The following SLC41A3 variants were observed in gnomAD, a reference collection of about 807,000 sequenced individuals.
SLC41A3 encodes the protein SLC41A1-like 2.
SLC41A3 carries 44 observed loss-of-function variants against 45.4 expected under a neutral mutation model. That is an observed-to-expected ratio of 0.97 (90% CI 0.76 to 1.25). The LOEUF is 1.25. Among genes scored for constraint, SLC41A3 ranks in the 50% most tolerant of loss-of-function variants. The pLI is 0.00. For missense variants in SLC41A3, 550 were observed against 600.6 expected, an observed-to-expected ratio of 0.92 and a Z score of 0.88; for synonymous variants, 256 against 252.4, an observed-to-expected ratio of 1.01 and a Z score of -0.13.
chr3:126,043,695 T>A (rs532098471), intron 3 of SLC41A3, among the ~76,000 whole-genome samples: 4 of 151,856 alleles, frequency 2.6e-5, no homozygotes, highest in Non-Finnish European at 5.9e-5. Context: ...TTAAGGTAAA[T>A]TGTAATAACT....
intron 9 of SLC41A3, 92 bp from the exon 10 acceptor site, chr3:126,008,972 T>A: frequency 1.3e-6 from 2 of 1,495,650 alleles, no homozygotes; most frequent in Non-Finnish European, 1.8e-6. Flanking sequence ...CACTCACTCA[T>A]CCATTTATTC....
At chr3:126,009,305 G>C (rs1394226014) in intron 9 of SLC41A3, among the ~76,000 whole-genome samples, 1 of 152,182 alleles carries the variant, frequency 6.6e-6, no homozygotes, top group Non-Finnish European at 1.5e-5. Flanking sequence ...AGGAGGAAAA[G>C]AGCTTTGGGT....
In SLC41A3 at chr3:126,033,662, A is replaced by G. The variant is rs368186569; in HGVS notation, c.398T>C (p.Ile133Thr). The G allele has an allele frequency of 2.4e-5, 38 of 1,612,966 alleles. No homozygotes were observed. In the Middle Eastern group the frequency reaches 1.2e-3, roughly 49 times the overall value. ...TCTGTGCTGCTCCTGGGGGTCATCA[A>G]TTTGTCCAGTGTTGGCCTAGAATGA... ...RLSTAANTGQ[I>T]DDPQEQHRVI... is the part of the protein sequence containing the mutation. The change falls in exon 4 of 11, where the codon ATT (isoleucine) becomes ACT (threonine). Residue 133 changes from isoleucine (I) to threonine (T), a missense_variant. Physicochemically the swap from Ile to Thr is moderately conservative, Grantham distance 89. Transcript: ENST00000360370.
rs142303474 is a variant in SLC41A3 at position 126,069,378 on chromosome 3, A to G, written c.-27-1132T>C. Among the ~76,000 whole-genome samples, 150 of 152,272 alleles carry G rather than the reference A, an allele frequency of 9.9e-4. No individual in the cohort carries two copies. The East Asian group carries it at 9.9e-3, about 10-fold the overall frequency. On this transcript the variant is annotated intron_variant, in intron 1 of 10. Transcript: ENST00000360370. ...AGTTCCAGGCACGGAGTTCAAGGAAATCTGTAACCGGTCATCAGCTGGCAC... is the reference window on the plus strand; with the variant it reads ...AGTTCCAGGCACGGAGTTCAAGGAAGTCTGTAACCGGTCATCAGCTGGCAC...
chr3:126,033,408 C>T (rs1206051950), intron 4 of SLC41A3, among the ~76,000 whole-genome samples, 199 bp downstream of exon 4: 1 of 151,960 alleles, frequency 6.6e-6, no homozygotes, highest in Non-Finnish European at 1.5e-5. Flanking sequence ...AGGGACAACC[C>T]TGGGTCTGCT....
At chr3:126,073,770 A>G (rs906389175) in intron 1 of SLC41A3, among the ~76,000 whole-genome samples, 6 of 152,180 alleles carry the variant, frequency 3.9e-5, no homozygotes, top group Non-Finnish European at 8.8e-5. Flanking sequence ...TGGCTTCACT[A>G]GAGAAGTCTA....
chr3:126,047,854 C>T (rs2107861151), intron 3 of SLC41A3, among the ~76,000 whole-genome samples: 1 of 152,210 alleles, frequency 6.6e-6, no homozygotes, highest in South Asian at 2.1e-4. Flanking sequence ...GGATATGATA[C>T]CAAAAGCACA....
At chr3:126,090,591 C>T (rs1945471173) in intron 1 of SLC41A3, among the ~76,000 whole-genome samples, 1 of 152,176 alleles carries the variant, frequency 6.6e-6, no homozygotes, top group Non-Finnish European at 1.5e-5. Flanking sequence ...TGTTCTGACA[C>T]ACAAATTACT....
chr3:126,037,015 A>G (rs1942246691), intron 3 of SLC41A3, among the ~76,000 whole-genome samples: 1 of 152,196 alleles, frequency 6.6e-6, no homozygotes, highest in Non-Finnish European at 1.5e-5. Flanking sequence ...TGTCTCCTCC[A>G]AATCTCATGT....
upstream of SLC41A3, among the ~76,000 whole-genome samples, chr3:126,084,819 G>A (rs1469961194): frequency 6.6e-6 from 1 of 152,122 alleles, no homozygotes; most frequent in Admixed American, 6.5e-5. Context: ...CAAATCATCC[G>A]AATGGACTTC....
At chr3:126,021,757 A>T (rs1940903854) in intron 6 of SLC41A3, among the ~76,000 whole-genome samples, 1 of 152,336 alleles carries the variant, frequency 6.6e-6, no homozygotes, top group East Asian at 1.9e-4. Context: ...ACCTGAGCCC[A>T]AAACTTAAGA....
chr3:126,044,619 G>A (rs1369492116), intron 3 of SLC41A3, among the ~76,000 whole-genome samples: 1 of 152,140 alleles, frequency 6.6e-6, no homozygotes, highest in African/African-American at 2.4e-5. Flanking sequence ...CAGAGGGCCG[G>A]GCGCAGTGGC....
At chr3:126,028,840 A>G (rs1941575474) in intron 4 of SLC41A3, among the ~76,000 whole-genome samples, 1 of 152,258 alleles carries the variant, frequency 6.6e-6, no homozygotes, top group Non-Finnish European at 1.5e-5. Flanking sequence ...TAGATGTGAG[A>G]CATGGAGTTA....
In SLC41A3 at chr3:126,022,869, G is replaced by T. The variant is rs762108800; in HGVS notation, c.662C>A (p.Ala221Asp). The T allele has an allele frequency of 3.1e-6, 5 of 1,614,204 alleles. No homozygotes were observed. The Admixed American group carries it at 5.0e-5, about 16-fold the overall frequency. ...RKLGVNPDNIATPIAASLGDL... is the reference protein window; with the variant it reads ...RKLGVNPDNIDTPIAASLGDL... ...TCCCAGGCTGGCTGCAATGGGCGTG[G>T]CAATGTTGTCTGGGTTGACCCCGAG... is the stretch of plus-strand genomic sequence containing the variant. The change falls in exon 6 of 11, where the codon GCC (alanine) becomes GAC (aspartate). Residue 221 changes from alanine to aspartate, a missense_variant. By Grantham distance (126) the Ala-to-Asp change is moderately radical. Coordinates refer to ENST00000360370, the MANE Select transcript of SLC41A3 (RefSeq NM_017836.4).
intron 2 of SLC41A3, among the ~76,000 whole-genome samples, chr3:126,052,333 C>G (rs568772292): frequency 6.6e-6 from 1 of 152,100 alleles, no homozygotes; most frequent in Non-Finnish European, 1.5e-5. Context: ...TCAAGTACTC[C>G]CCAGCTGGCC....
In SLC41A3 at chr3:126,014,902, G is replaced by A. The variant is rs374949510; in HGVS notation, c.970+592C>T. On this transcript the variant is annotated intron_variant, in intron 8 of 10. Transcript: ENST00000360370. ...AACCCCACAGGGTGTAGGCCTAGGAGGTAAGTATGTGCAGAGAGCCAGGTG... is the reference window on the plus strand; with the variant it reads ...AACCCCACAGGGTGTAGGCCTAGGAAGTAAGTATGTGCAGAGAGCCAGGTG... Among the ~76,000 whole-genome samples, 10 of 152,362 alleles carry A rather than the reference G, an allele frequency of 6.6e-5. No homozygotes were observed. The East Asian group carries it at 1.9e-3, about 29-fold the overall frequency.
At chr3:126,054,483 T>G (rs541348342) in intron 2 of SLC41A3, among the ~76,000 whole-genome samples, 1 of 152,166 alleles carries the variant, frequency 6.6e-6, no homozygotes, top group Non-Finnish European at 1.5e-5. Flanking sequence ...GCACACCCTC[T>G]GAGCAGAGTA....
upstream of SLC41A3, chr3:126,084,201 G>A (rs1482053932): frequency 3.3e-5 from 5 of 151,986 alleles, no homozygotes; most frequent in African/African-American, 9.7e-5. Context: ...CCCCGCCCCG[G>A]CCGGGCGGCC....
At chr3:126,067,096 C>A (rs879716220) in intron 2 of SLC41A3, among the ~76,000 whole-genome samples, 7 of 133,992 alleles carry the variant, frequency 5.2e-5, no homozygotes, top group Non-Finnish European at 7.7e-5. Flanking sequence ...TTGGACCGCC[C>A]CCCCGCCCCC....
Sources: gnomAD v4.1 joint callset for allele counts (sites outside exome capture counted in the v4.1 genomes callset) on GRCh38, gnomAD v4.1.1 for gene constraint, MANE v1.5 for transcripts, NCBI Gene and HGNC (gene_info 2026-07-23, HGNC 2026-07-21) for gene names.